Variants in PGM3 observed in about 807,000 individuals in gnomAD.
PGM3 encodes the protein phosphoglucomutase 3, also known as phosphoacetylglucosamine mutase.
PGM3 carries 40 observed loss-of-function variants against 66.2 expected under a neutral mutation model. The observed-to-expected ratio is 0.60, with a 90% CI of 0.47 to 0.79. The LOEUF is 0.79. Ranked by LOEUF, PGM3 falls within the 30% of genes least tolerant of loss-of-function variation. The probability of loss-of-function intolerance (pLI) is 0.00; values close to 1 mark genes in which losing one functional copy is unlikely to be tolerated. For missense variants in PGM3, 537 were observed against 643.4 expected (o/e 0.83, Z 1.79); for synonymous variants, 191 against 224.2 (o/e 0.85, Z 1.32).
downstream of PGM3, among the ~76,000 whole-genome samples, chr6:83,159,286 T>A (rs1783629567): frequency 6.6e-6 from 1 of 152,080 alleles, no homozygotes; most frequent in South Asian, 2.1e-4. Context: ...ATGTACTACT[T>A]TTTTTTAGAC....
At chr6:83,157,361 A>C (rs1443691459), downstream of PGM3, 3 of 1,591,214 alleles carry the variant, frequency 1.9e-6, no homozygotes, top group Admixed American at 5.0e-5. Flanking sequence ...TCTAAATGAT[A>C]AAACAGTGAT....
chr6:83,188,662 G>A lies in PGM3; in HGVS notation c.341C>T (p.Ala114Val). 1 of 1,613,876 alleles carries A rather than the reference G, an allele frequency of 6.2e-7. No individual in the cohort carries two copies. The highest frequency in any genetic ancestry group is 1.1e-5 in the South Asian group (1 of 91,080). ...AAAGGCATCTTGTTGCAGATTCACA[G>A]CTTCTTTCTCGCTGATGTCAATAAG... Reference protein sequence around the residue: ...RVLIDISEKEAVNLQQDAFVV... With the variant: ...RVLIDISEKEVVNLQQDAFVV... Residue 114 changes from alanine (A) to valine (V), a missense_variant, in exon 3 of 13, where the codon GCT becomes GTT. By Grantham distance (64) the Ala-to-Val change is moderately conservative (BLOSUM62 0). Coordinates refer to ENST00000513973, the MANE Select transcript of PGM3 (RefSeq NM_015599.3).
At chr6:83,164,328 TGAGTTCAG>T (rs1441255251), downstream of PGM3, among the ~76,000 whole-genome samples, 7 of 151,848 alleles carry the variant, frequency 4.6e-5, no homozygotes, top group Non-Finnish European at 1.5e-5. Context: ...TGCTGGGTCC[TGAGTTCAG>T]GGTAGGACTT....
In PGM3 at chr6:83,168,624, G is replaced by A. The variant is rs1343555643; in HGVS notation, c.*610C>T. ...TTTCTCCCACATACCTTCACCAAGA[G>A]CAGTGAAGAATAACTGAAGGCTGGA... On this transcript the variant is annotated 3_prime_UTR_variant, in exon 13 of 13. Coordinates refer to ENST00000513973, the MANE Select transcript of PGM3 (RefSeq NM_015599.3). 1 of 996,352 alleles carries A rather than the reference G, an allele frequency of 1.0e-6. No homozygotes were observed. The highest frequency in any genetic ancestry group is 5.1e-4 in the Middle Eastern group (1 of 1,954). 61.7% of individuals were successfully genotyped at this position (996,352 alleles called of 1,614,324 possible).
chr6:83,176,663 A>C (rs2128491670), intron 8 of PGM3, among the ~76,000 whole-genome samples: 1 of 152,296 alleles, frequency 6.6e-6, no homozygotes, highest in Admixed American at 6.5e-5. Context: ...GGATGGATGG[A>C]TCTGAGAGAG....
intron 4 of PGM3, among the ~76,000 whole-genome samples, chr6:83,183,787 G>T (rs1019288072): frequency 6.6e-6 from 1 of 151,688 alleles, no homozygotes; most frequent in Non-Finnish European, 1.5e-5. Context: ...GTGCAATGGC[G>T]CAATCTCAGC....
chr6:83,154,346 T>C, the PGM3 span: 4 of 1,028,224 alleles, frequency 3.9e-6, no homozygotes, highest in South Asian at 5.9e-5. Context: ...GAATTAGCTC[T>C]TTGTCAAGTG....
downstream of PGM3, among the ~76,000 whole-genome samples, chr6:83,163,550 T>C (rs1784738136): frequency 6.6e-6 from 1 of 152,228 alleles, no homozygotes; most frequent in South Asian, 2.1e-4. Context: ...ATATATATGC[T>C]AAAATTCATT....
the PGM3 span, among the ~76,000 whole-genome samples, chr6:83,152,953 A>G: frequency 1.3e-5 from 2 of 152,150 alleles, no homozygotes; most frequent in African/African-American, 4.8e-5. Flanking sequence ...GCCTGCCACT[A>G]TAATGTATTT....
At chr6:83,164,473 A>G (rs1263527056), downstream of PGM3, among the ~76,000 whole-genome samples, 1 of 152,046 alleles carries the variant, frequency 6.6e-6, no homozygotes, top group Non-Finnish European at 1.5e-5. Context: ...GAATTTTTAT[A>G]AGACCCCCCT....
At chr6:83,175,400 G>C (rs759125149) in intron 9 of PGM3, among the ~76,000 whole-genome samples, 37 of 152,130 alleles carry the variant, frequency 2.4e-4, no homozygotes, top group Non-Finnish European at 5.1e-4. Flanking sequence ...AAATTATTTG[G>C]CTTTGATTCA....
At position 83,167,874 on chromosome 6, in the gene PGM3, G is replaced by A; in HGVS notation, c.*1360C>T. 1.2e-6 allele frequency: 2 copies of A among 1,607,292 alleles called. No individual in the cohort carries two copies. The highest frequency in any genetic ancestry group is 2.2e-5 in the South Asian group (2 of 90,340). On this transcript the variant is annotated 3_prime_UTR_variant, in exon 13 of 13. Transcript: ENST00000513973. ...TTGTTTTCTGCAGAAAAATCCAGAG[G>A]AAGACAACTCAGGGAGAACATTGGG...
intron 1 of PGM3, among the ~76,000 whole-genome samples, chr6:83,191,958 C>CAAAAAAAAAAAAAAAAAAAAA (rs1219337174): frequency 5.1e-5 from 2 of 39,364 alleles, no homozygotes; most frequent in Admixed American, 3.2e-4. Flanking sequence ...GACTCGGTCT[C>CAAAAAAAAAAAAAAAAAAAAA]AAAAAAAAAA....
At chr6:83,177,484 A>G (rs1005140852) in intron 8 of PGM3, among the ~76,000 whole-genome samples, 1 of 152,208 alleles carries the variant, frequency 6.6e-6, no homozygotes, top group East Asian at 1.9e-4. Flanking sequence ...TTATTACTGA[A>G]TAAGTATTAA....
At chr6:83,172,517 G>A (rs1418300889) in intron 10 of PGM3, among the ~76,000 whole-genome samples, 2 of 152,132 alleles carry the variant, frequency 1.3e-5, no homozygotes, top group Non-Finnish European at 2.9e-5. Flanking sequence ...AAATTAGCTA[G>A]GTGTGGTAGT....
chr6:83,172,186 A>C, intron 10 of PGM3, 127 bp from the exon 11 acceptor site: 1 of 896,006 alleles, frequency 1.1e-6, no homozygotes, highest in Non-Finnish European at 1.7e-6. Context: ...GCTGAGTGCC[A>C]AAATAATCAC....
At chr6:83,151,873 AT>A in the PGM3 span, 23 of 1,612,864 alleles carry the variant, frequency 1.4e-5, no homozygotes, top group Admixed American at 3.8e-4. Context: ...GTTCTTCCTT[AT>A]TTTTTTAGGA....
chr6:83,175,960 A>ATAAG lies in PGM3; in HGVS notation c.1128+1_1128+2insCTTA. The ATAAG allele has an allele frequency of 1.3e-6, 2 of 1,574,774 alleles. No individual in the cohort carries two copies. Among genetic ancestry groups the ATAAG allele is most frequent in the Non-Finnish European group, 1.7e-6 (2 of 1,144,182 alleles). On this transcript the variant is annotated splice_donor_variant, in intron 9 of 12. Coordinates refer to ENST00000513973, the MANE Select transcript of PGM3 (RefSeq NM_015599.3). LOFTEE classifies it high-confidence loss of function. ...AGGCCAACTATAATTAAGAGAACTT[A>ATAAG]CAGTGCCATGCCCATTTGCTTCAAA...
rs917884805 is a variant in PGM3, at chr6:83,168,643, G to A, written c.*591C>T. On this transcript the variant is annotated 3_prime_UTR_variant, in exon 13 of 13. Coordinates refer to ENST00000513973, the MANE Select transcript of PGM3 (RefSeq NM_015599.3). ...CCAAGAGCAGTGAAGAATAACTGAAGGCTGGACCATGCATCCTTAAAAGTA... is the reference window on the plus strand; with the variant it reads ...CCAAGAGCAGTGAAGAATAACTGAAAGCTGGACCATGCATCCTTAAAAGTA... 2.0e-6 allele frequency: 2 copies of A among 996,614 alleles called. No individual in the cohort carries two copies. The highest frequency in any genetic ancestry group is 2.4e-6 in the Non-Finnish European group (2 of 837,020). The allele number at this position is 996,614 out of a possible 1,614,324, so 61.7% of individuals were successfully genotyped here. A position where few individuals can be genotyped will look rare whatever the true frequency, so the allele number is the denominator to read the frequency against.
Sources: gnomAD v4.1 joint callset for allele counts (sites outside exome capture counted in the v4.1 genomes callset) on GRCh38, gnomAD v4.1.1 for gene constraint, MANE v1.5 for transcripts, NCBI Gene and HGNC (gene_info 2026-07-23, HGNC 2026-07-21) for gene names.